Variants in AP4E1 observed in about 807,000 individuals in gnomAD.
AP4E1 encodes the protein AP-4 complex subunit epsilon-1.
Under a neutral mutation model 128.2 loss-of-function variants are expected in AP4E1, and 56 were observed. That is an observed-to-expected ratio of 0.44 (90% confidence interval 0.35 to 0.55). The LOEUF is 0.55. Ranked by LOEUF, AP4E1 falls within the 20% of genes least tolerant of loss-of-function variation. The pLI is 0.00. For missense variants in AP4E1, 1,324 were observed against 1,307.7 expected (o/e 1.01, Z -0.19); for synonymous variants, 484 against 473.1 (o/e 1.02, Z -0.30).
chr15:50,955,455 T>A lies in AP4E1; in HGVS notation c.1549-3037T>A, dbSNP rs11631617. Among the ~76,000 whole-genome samples, 1,478 of 152,332 alleles carry A rather than the reference T, an allele frequency of 9.7e-3. 10 individuals carry two copies. The highest frequency in any genetic ancestry group is 0.061 in the Middle Eastern group (18 of 294). ...TGGTGATGATCTATTTTGCTTTTTC[T>A]GGGTGTTGTGTTCTATAAAGTCTGT... On this transcript the variant is annotated intron_variant, in intron 13 of 20. Transcript: ENST00000261842.
chr15:50,977,828 A>G (rs1204126762), intron 15 of AP4E1, among the ~76,000 whole-genome samples: 3 of 150,522 alleles, frequency 2.0e-5, no homozygotes, highest in South Asian at 2.1e-4. Context: ...TTGTGCCTCA[A>G]CTTCCTAAGT....
intron 16 of AP4E1, among the ~76,000 whole-genome samples, chr15:50,988,122 C>T (rs1001383170): frequency 5.9e-5 from 9 of 152,048 alleles, no homozygotes; most frequent in African/African-American, 2.2e-4. Flanking sequence ...TGATTGATTT[C>T]ACCTGAGGAA....
chr15:50,912,657 A>AT (rs200052940), intron 2 of AP4E1, among the ~76,000 whole-genome samples: 3,407 of 144,214 alleles, frequency 0.024, 60 homozygotes, highest in African/African-American at 0.031. Context: ...ACTCAGTTTG[A>AT]TTTTTTTTTT....
rs71127168 is a variant in AP4E1 at position 50,962,889 on chromosome 15, C to CAAAAAAAAAAAAAAAAAAAA, written c.1851+4103_1851+4122dup. Among the ~76,000 whole-genome samples, 20 of 38,712 alleles carry CAAAAAAAAAAAAAAAAAAAA rather than the reference C, an allele frequency of 5.2e-4. 1 individual carries two copies. Among genetic ancestry groups the CAAAAAAAAAAAAAAAAAAAA allele is most frequent in the African/African-American group, 2.2e-3 (19 of 8,722 alleles). The allele number at this position is 38,712 out of a possible 152,430, so 25.4% of individuals were successfully genotyped here. The stretch of plus-strand genomic sequence containing the variant: ...ATATATAAGGAACTCAATTCAACAG[C>CAAAAAAAAAAAAAAAAAAAA]AAAAAAAAAAAAAAAAAAAAAAAAA... On this transcript the variant is annotated intron_variant, in intron 14 of 20. Transcript: ENST00000261842.
chr15:50,977,808 C>G (rs1475468340), intron 15 of AP4E1, among the ~76,000 whole-genome samples: 1 of 149,174 alleles, frequency 6.7e-6, no homozygotes, highest in Non-Finnish European at 1.5e-5. Context: ...TTCTCGGGTT[C>G]AAGCGATTCT....
intron 15 of AP4E1, among the ~76,000 whole-genome samples, chr15:50,974,829 T>C (rs554934618): frequency 5.9e-5 from 9 of 152,202 alleles, no homozygotes; most frequent in African/African-American, 2.2e-4. Context: ...TTTAGAGAAA[T>C]GTTTATTTAA....
intron 5 of AP4E1, 25 bp downstream of exon 5, chr15:50,925,244 C>T (rs1596461454): frequency 6.3e-7 from 1 of 1,599,956 alleles, no homozygotes; most frequent in Non-Finnish European, 8.6e-7. Context: ...TTGGGATAGG[C>T]ATCTATGCCA....
intron 13 of AP4E1, among the ~76,000 whole-genome samples, chr15:50,951,009 C>G (rs2064141952): frequency 6.6e-6 from 1 of 152,244 alleles, no homozygotes; most frequent in Admixed American, 6.5e-5. Context: ...TTTTCTTTAT[C>G]CAGTCTATCA....
intron 8 of AP4E1, among the ~76,000 whole-genome samples, chr15:50,935,727 A>G (rs1223145390): frequency 1.3e-5 from 2 of 152,174 alleles, no homozygotes; most frequent in Non-Finnish European, 1.5e-5. Context: ...TTTAAGAACA[A>G]TGGTTGTAGA....
At chr15:50,919,670 A>T (rs2063672227) in intron 3 of AP4E1, among the ~76,000 whole-genome samples, 1 of 152,150 alleles carries the variant, frequency 6.6e-6, no homozygotes, top group Non-Finnish European at 1.5e-5. Flanking sequence ...AGTTATTTTT[A>T]TTGAGACTCA....
intron 14 of AP4E1, among the ~76,000 whole-genome samples, chr15:50,964,765 T>C (rs1171066481): frequency 6.6e-6 from 1 of 152,190 alleles, no homozygotes; most frequent in Non-Finnish European, 1.5e-5. Flanking sequence ...TGTGAGTTCC[T>C]CAGTGGTGAT....
rs530751268 is a variant in AP4E1, at chr15:50,991,272, T to TTTG, written c.2091-2086_2091-2084dup. Among the ~76,000 whole-genome samples, 15 of 152,316 alleles carry TTTG rather than the reference T, an allele frequency of 9.8e-5. No individual in the cohort carries two copies. In the South Asian group the frequency reaches 2.3e-3, roughly 23 times the overall value. On this transcript the variant is annotated intron_variant, in intron 16 of 20. Transcript: ENST00000261842. ...AGCCCATTGTCCTCCACATCGGCCT[T>TTTG]TTGTTGTTGTTGTTAAACTACTATT...
At chr15:50,952,526 A>G (rs1304928750) in intron 13 of AP4E1, among the ~76,000 whole-genome samples, 1 of 151,624 alleles carries the variant, frequency 6.6e-6, no homozygotes, top group Non-Finnish European at 1.5e-5. Context: ...AAAAAAAAAA[A>G]GAAGTGTACA....
At chr15:50,932,434 T>C (rs2063847797) in intron 7 of AP4E1, among the ~76,000 whole-genome samples, 1 of 152,260 alleles carries the variant, frequency 6.6e-6, no homozygotes, top group Non-Finnish European at 1.5e-5. Flanking sequence ...CATTTGCATG[T>C]GCACCTACAT....
chr15:50,989,234 A>G (rs1044804574), intron 16 of AP4E1, among the ~76,000 whole-genome samples: 1 of 152,228 alleles, frequency 6.6e-6, no homozygotes, highest in African/African-American at 2.4e-5. Context: ...AAATGTTTTA[A>G]GTAATGGCCG....
At chr15:50,961,216 A>G (rs907624350) in intron 14 of AP4E1, among the ~76,000 whole-genome samples, 1 of 152,028 alleles carries the variant, frequency 6.6e-6, no homozygotes, top group African/African-American at 2.4e-5. Flanking sequence ...AAACTAGTCC[A>G]AAAAAATCGA....
intron 18 of AP4E1, 47 bp downstream of exon 18, chr15:50,997,930 G>A (rs2064903069): frequency 1.4e-6 from 2 of 1,456,444 alleles, no homozygotes; most frequent in Non-Finnish European, 1.9e-6. Context: ...TATATTTTGT[G>A]TTCTCTTTTC....
At chr15:50,943,579 C>G (rs1444653009) in intron 10 of AP4E1, among the ~76,000 whole-genome samples, 1 of 152,248 alleles carries the variant, frequency 6.6e-6, no homozygotes, top group Non-Finnish European at 1.5e-5. Context: ...TTAACAGATA[C>G]AGAGCATGCA....
intron 15 of AP4E1, among the ~76,000 whole-genome samples, chr15:50,969,652 A>G (rs1458843192): frequency 6.7e-6 from 1 of 150,088 alleles, no homozygotes; most frequent in South Asian, 2.1e-4. Context: ...GGAACATTCA[A>G]TATCTTTCTT....
Sources: allele counts gnomAD v4.1 joint callset (sites outside exome capture counted in the v4.1 genomes callset), GRCh38; gene constraint gnomAD v4.1.1; transcripts MANE v1.5; gene names NCBI Gene and HGNC (gene_info 2026-07-23, HGNC 2026-07-21).